Variants in TTC9C observed in about 807,000 individuals in gnomAD.
The protein encoded by TTC9C is tetratricopeptide repeat domain 9C.
A neutral mutation model predicts 22.5 loss-of-function variants in TTC9C; 15 were observed. The observed-to-expected ratio is 0.67, with a 90% CI of 0.45 to 1.03. The LOEUF is 1.03. TTC9C is among the 50% of genes least tolerant of loss of function. The pLI, the probability that TTC9C is intolerant of heterozygous loss-of-function variation, is 0.00. For missense variants in TTC9C, 244 were observed against 214.6 expected, an observed-to-expected ratio of 1.14 and a Z score of -0.86; for synonymous variants, 92 against 86.8, an observed-to-expected ratio of 1.06 and a Z score of -0.33.
chr11:62,728,786 C>A lies in TTC9C; in HGVS notation c.-63C>A, dbSNP rs2083800544. The A allele has an allele frequency of 6.4e-7, 1 of 1,558,462 alleles. No homozygotes were observed. Among genetic ancestry groups the A allele is most frequent in the African/African-American group, 1.4e-5 (1 of 73,774 alleles). On this transcript the variant is annotated 5_prime_UTR_variant, in exon 1 of 3. Coordinates refer to ENST00000316461, the MANE Select transcript of TTC9C (RefSeq NM_173810.4). ...GCTGCTACTGTCAGTTATTTTGCTC[C>A]CAACCCCAGAGCTTCACTTGCTCCT... is the stretch of plus-strand genomic sequence containing the variant.
At position 62,728,801 on chromosome 11, in the gene TTC9C, C is replaced by G. The variant is rs1355864978; in HGVS notation, c.-48C>G. 1 of 1,592,604 alleles carries G rather than the reference C, an allele frequency of 6.3e-7. No homozygotes were observed. ...TATTTTGCTCCCAACCCCAGAGCTT[C>G]ACTTGCTCCTTCACTTCCCAGTTCC... On this transcript the variant is annotated 5_prime_UTR_variant, in exon 1 of 3. Transcript: ENST00000316461.
chr11:62,728,470 T>G (rs1244873020), upstream of TTC9C: 1 of 469,420 alleles, frequency 2.1e-6, no homozygotes, highest in Non-Finnish European at 4.2e-6. Flanking sequence ...GCGGGTCCAA[T>G]AGAAAGGCGG....
chr11:62,733,339 G>C (rs1269192340), intron 1 of TTC9C: 5 of 368,560 alleles, frequency 1.4e-5, no homozygotes, highest in Non-Finnish European at 1.9e-5. Context: ...TAAGATCTTA[G>C]ACAAGTTATT....
At chr11:62,735,700 C>A in intron 2 of TTC9C, 136 bp downstream of exon 2, 1 of 1,393,536 alleles carries the variant, frequency 7.2e-7, no homozygotes. Context: ...AGAATTCGAA[C>A]TGAAAAAGTA....
At chr11:62,736,893 C>A (rs1464973974) in intron 2 of TTC9C, among the ~76,000 whole-genome samples, 1 of 150,210 alleles carries the variant, frequency 6.7e-6, no homozygotes, top group African/African-American at 2.4e-5. Flanking sequence ...AAGTTCTGTT[C>A]CTGGTCTTTA....
intron 1 of TTC9C, among the ~76,000 whole-genome samples, chr11:62,731,623 C>T (rs2083850488): frequency 6.6e-6 from 1 of 152,026 alleles, no homozygotes; most frequent in Non-Finnish European, 1.5e-5. Context: ...ACCAAAAAGC[C>T]TTCCAGAAGC....
At chr11:62,733,329 T>C (rs1276255697) in intron 1 of TTC9C, 2 of 396,536 alleles carry the variant, frequency 5.0e-6, no homozygotes, top group African/African-American at 4.3e-5. Flanking sequence ...CTAGAACCTG[T>C]AAGATCTTAG....
chr11:62,738,141 TACTATTGCATAGA>T lies in TTC9C; in HGVS notation c.422-145_422-133del. ...CCAAATGTTATTAATTAATGAGATT[TACTATTGCATAGA>T]ATGGTTGCGATATATTCAGATCTTG... On this transcript the variant is annotated intron_variant, in intron 2 of 2. Transcript: ENST00000316461. 7.8e-6 allele frequency: 3 copies of T among 385,298 alleles called. No individual in the cohort carries two copies. In the South Asian group the frequency reaches 3.1e-4, roughly 40 times the overall value. The allele number at this position is 385,298 out of a possible 1,614,324, so 23.9% of individuals were successfully genotyped here.
At chr11:62,735,606 T>C in intron 2 of TTC9C, 42 bp downstream of exon 2, 2 of 1,562,314 alleles carry the variant, frequency 1.3e-6, no homozygotes, top group Non-Finnish European at 1.7e-6. Flanking sequence ...CAAAATTGTC[T>C]TGCTGGGGTG....
chr11:62,737,351 C>G (rs1432633515), intron 2 of TTC9C, among the ~76,000 whole-genome samples: 1 of 152,154 alleles, frequency 6.6e-6, no homozygotes. Context: ...TCAGCTAACC[C>G]CAGGTATGAC....
At chr11:62,732,153 G>A (rs189220122) in intron 1 of TTC9C, among the ~76,000 whole-genome samples, 3,774 of 149,938 alleles carry the variant, frequency 0.025, 77 homozygotes, top group East Asian at 0.13. Context: ...CCGCCACCAC[G>A]CCTGGCTAAT....
intron 1 of TTC9C, among the ~76,000 whole-genome samples, chr11:62,729,993 A>G (rs2083828796): frequency 6.6e-6 from 1 of 152,246 alleles, no homozygotes; most frequent in Admixed American, 6.5e-5. Flanking sequence ...GACATTTAAT[A>G]TTTGTGAAAC....
intron 1 of TTC9C, among the ~76,000 whole-genome samples, 177 bp downstream of exon 1, chr11:62,729,263 G>C (rs2083814365): frequency 6.6e-6 from 1 of 152,014 alleles, no homozygotes; most frequent in Admixed American, 6.6e-5. Context: ...ATAGAGCAGG[G>C]CTTCTCAGAC....
chr11:62,729,789 T>G (rs1440543615), intron 1 of TTC9C, among the ~76,000 whole-genome samples: 3 of 152,118 alleles, frequency 2.0e-5, no homozygotes, highest in Admixed American at 6.6e-5. Flanking sequence ...TTGGTCAGGC[T>G]GGTCTTGAAC....
chr11:62,728,375 GGAA>G (rs997155608), upstream of TTC9C: 2 of 370,968 alleles, frequency 5.4e-6, no homozygotes, highest in African/African-American at 4.3e-5. Flanking sequence ...TGTTGAATAA[GGAA>G]GAAGAGTTAG....
intron 2 of TTC9C, among the ~76,000 whole-genome samples, chr11:62,737,130 C>T (rs2134824013): frequency 6.6e-6 from 1 of 152,108 alleles, no homozygotes; most frequent in South Asian, 2.1e-4. Flanking sequence ...ACCCGAGAGG[C>T]AGAGCTTGCA....
intron 1 of TTC9C, 126 bp downstream of exon 1, chr11:62,729,212 T>C (rs1055469863): frequency 3.9e-5 from 31 of 796,652 alleles, no homozygotes; most frequent in Admixed American, 3.1e-4. Flanking sequence ...TGCCATGAAT[T>C]GGAATAACCT....
At chr11:62,735,318 G>T (rs80148909) in intron 1 of TTC9C, 64 bp from the exon 2 acceptor site, 33,906 of 1,584,274 alleles carry the variant, frequency 0.021, 822 homozygotes, top group East Asian at 0.15. Context: ...GTCTTGAGCT[G>T]GCCAGTGGAA....
At chr11:62,728,203 A>G (rs78680927), upstream of TTC9C, 2,015 of 291,772 alleles carry the variant, frequency 6.9e-3, 39 homozygotes, top group African/African-American at 0.043. Flanking sequence ...TCCTGCTGGT[A>G]AACCGAAGCC....
Sources: gnomAD v4.1 joint callset for allele counts (sites outside exome capture counted in the v4.1 genomes callset) on GRCh38, gnomAD v4.1.1 for gene constraint, MANE v1.5 for transcripts, NCBI Gene and HGNC (gene_info 2026-07-23, HGNC 2026-07-21) for gene names.